Variants in AFAP1L2 observed in about 807,000 individuals in gnomAD.
The protein encoded by AFAP1L2 is actin filament associated protein 1 like 2.
Under a neutral mutation model 99.3 loss-of-function variants are expected in AFAP1L2, and 46 were observed. The ratio of observed to expected loss-of-function variants is 0.46; its 90% CI spans 0.37 to 0.59. AFAP1L2 has a LOEUF of 0.59. AFAP1L2 is among the 20% of genes least tolerant of loss of function. AFAP1L2 has a pLI of 0.00. For missense variants in AFAP1L2, 959 were observed against 1,034.9 expected, an observed-to-expected ratio of 0.93 and a Z score of 1.01; for synonymous variants, 397 against 419.1, an observed-to-expected ratio of 0.95 and a Z score of 0.64.
intron 1 of AFAP1L2, among the ~76,000 whole-genome samples, chr10:114,352,292 G>A (rs1418930696): frequency 3.9e-5 from 6 of 151,916 alleles, no homozygotes; most frequent in African/African-American, 1.5e-4. Flanking sequence ...GGCCAATATG[G>A]TGAAACCCCG....
chr10:114,285,111 A>C, the AFAP1L2 span: 8 of 619,852 alleles, frequency 1.3e-5, no homozygotes, highest in Non-Finnish European at 1.8e-5. Context: ...ACTGGTCTGC[A>C]GTTCACGTGG....
At chr10:114,364,818 G>T (rs1011114075) in intron 1 of AFAP1L2, among the ~76,000 whole-genome samples, 2 of 152,148 alleles carry the variant, frequency 1.3e-5, no homozygotes, top group African/African-American at 4.8e-5. Context: ...GGGCTGAGCT[G>T]ATTTACCAGG....
chr10:114,352,479 T>TAAAAAACAA (rs1554930286), intron 1 of AFAP1L2, among the ~76,000 whole-genome samples: 22 of 71,390 alleles, frequency 3.1e-4, no homozygotes, highest in Middle Eastern at 0.024. Context: ...GTCTCCAAAT[T>TAAAAAACAA]AAAAAAAAAA....
chr10:114,353,507 G>A (rs987427079), intron 1 of AFAP1L2, among the ~76,000 whole-genome samples: 3 of 152,162 alleles, frequency 2.0e-5, no homozygotes, highest in Admixed American at 1.3e-4. Context: ...TGTGAAGTAG[G>A]CATTACCATC....
intron 16 of AFAP1L2, 26 bp from the exon 17 acceptor site, chr10:114,297,439 A>G (rs1469724122): frequency 6.2e-7 from 1 of 1,605,430 alleles, no homozygotes; most frequent in Admixed American, 1.7e-5. Flanking sequence ...TGCAGGTGTC[A>G]GAGAACAGCA....
At chr10:114,286,272 G>A in the AFAP1L2 span, 9 of 1,610,826 alleles carry the variant, frequency 5.6e-6, no homozygotes, top group Admixed American at 1.7e-5. Flanking sequence ...GGCCAGGACC[G>A]GCCACGTAGA....
intron 3 of AFAP1L2, 148 bp downstream of exon 3, chr10:114,333,073 C>A (rs373488022): frequency 7.3e-5 from 51 of 694,120 alleles, no homozygotes; most frequent in East Asian, 3.7e-4. Flanking sequence ...CAAAATACGA[C>A]CAACAAAAAT....
chr10:114,302,241 A>G (rs899014089), intron 12 of AFAP1L2, 98 bp downstream of exon 12: 2 of 1,521,606 alleles, frequency 1.3e-6, no homozygotes, highest in African/African-American at 1.4e-5. Context: ...GTGGGGTGGG[A>G]CCCTGTGCTC....
Position 114,365,912 on chromosome 10 carries a change from T to C in AFAP1L2, c.17-25181A>G, listed in dbSNP as rs2136756242. On this transcript the variant is annotated intron_variant, in intron 1 of 18. Coordinates refer to ENST00000304129, the MANE Select transcript of AFAP1L2 (RefSeq NM_001001936.3). ...GCCCAGATAATTTTTAATTTTTTTT[T>C]GTATAGAGATGGGGGGTCTTGCTAT... Among the ~76,000 whole-genome samples, 2 of 151,894 alleles carry C rather than the reference T, an allele frequency of 1.3e-5. 1 individual carries two copies. The highest frequency in any genetic ancestry group is 4.2e-4 in the South Asian group (2 of 4,802).
intron 1 of AFAP1L2, among the ~76,000 whole-genome samples, chr10:114,368,975 C>T (rs2053695651): frequency 6.6e-6 from 1 of 152,026 alleles, no homozygotes; most frequent in Admixed American, 6.6e-5. Context: ...AAAGATTGCA[C>T]CTGCCCTCAA....
downstream of AFAP1L2, chr10:114,291,608 C>T (rs1010872845): frequency 4.5e-6 from 1 of 221,520 alleles, no homozygotes; most frequent in African/African-American, 2.3e-5. Context: ...CCTGACGTTC[C>T]TTTGCACACA....
intron 5 of AFAP1L2, 116 bp downstream of exon 5, chr10:114,323,055 T>C: frequency 1.1e-6 from 1 of 911,404 alleles, no homozygotes; most frequent in Non-Finnish European, 1.7e-6. Flanking sequence ...CAGCCCAGAC[T>C]ACCCTCTGTC....
At chr10:114,395,269 G>A (rs1057145701) in intron 1 of AFAP1L2, among the ~76,000 whole-genome samples, 8 of 152,182 alleles carry the variant, frequency 5.3e-5, no homozygotes, top group Non-Finnish European at 1.2e-4. Flanking sequence ...TGCAAAGGGC[G>A]GTAGGGTGTT....
intron 2 of AFAP1L2, among the ~76,000 whole-genome samples, chr10:114,334,056 G>C (rs1452293245): frequency 2.0e-5 from 3 of 152,142 alleles, no homozygotes; most frequent in Non-Finnish European, 1.5e-5. Context: ...ATGGGTGAAC[G>C]GGGACCTGAA....
At chr10:114,298,441 G>T (rs1173510501) in intron 16 of AFAP1L2, among the ~76,000 whole-genome samples, 1 of 152,168 alleles carries the variant, frequency 6.6e-6, no homozygotes, top group East Asian at 1.9e-4. Flanking sequence ...AGCTGAGTTT[G>T]TCCTCAAACC....
chr10:114,317,498 A>G (rs1590096244), intron 5 of AFAP1L2, among the ~76,000 whole-genome samples: 2 of 152,334 alleles, frequency 1.3e-5, no homozygotes, highest in South Asian at 4.1e-4. Context: ...AGAGCCATAA[A>G]AAACACCCAT....
At chr10:114,336,219 C>T (rs146402906) in intron 2 of AFAP1L2, among the ~76,000 whole-genome samples, 2 of 152,204 alleles carry the variant, frequency 1.3e-5, no homozygotes, top group Non-Finnish European at 2.9e-5. Context: ...TAAGAAGTTC[C>T]CAAGACCTTC....
chr10:114,331,344 G>T (rs551644496), intron 4 of AFAP1L2, among the ~76,000 whole-genome samples: 29 of 152,224 alleles, frequency 1.9e-4, no homozygotes, highest in South Asian at 1.7e-3. Flanking sequence ...GCCTGTAGTG[G>T]CTATTCACAA....
At chr10:114,299,720 A>C (rs552550866) in intron 15 of AFAP1L2, among the ~76,000 whole-genome samples, 1 of 152,356 alleles carries the variant, frequency 6.6e-6, no homozygotes, top group Non-Finnish European at 1.5e-5. Flanking sequence ...TGGGAGAGGC[A>C]GACCCGCTCT....
Sources: gnomAD v4.1 joint callset for allele counts (sites outside exome capture counted in the v4.1 genomes callset) on GRCh38, gnomAD v4.1.1 for gene constraint, MANE v1.5 for transcripts, NCBI Gene and HGNC (gene_info 2026-07-23, HGNC 2026-07-21) for gene names.